The following CTBP2 variants were observed in gnomAD, a reference collection of about 807,000 sequenced individuals.
CTBP2 encodes C-terminal-binding protein 2.
In CTBP2, 30 loss-of-function variants were observed where a neutral mutation model predicts 80.3. The observed-to-expected ratio is 0.37, with a 90% CI of 0.28 to 0.51. The LOEUF is 0.51. Among genes scored for constraint, CTBP2 ranks in the 20% least tolerant of loss-of-function variants. The pLI is 0.93. For missense variants in CTBP2, 1,212 were observed against 1,375.3 expected (o/e 0.88, Z 1.88); for synonymous variants, 594 against 587.4 (o/e 1.01, Z -0.16).
chr10:125,134,400 A>G (rs981995705), intron 1 of CTBP2, among the ~76,000 whole-genome samples: 16 of 152,182 alleles, frequency 1.1e-4, no homozygotes, highest in African/African-American at 3.9e-4. Flanking sequence ...AGGAAGGTCC[A>G]TGACTCTGTA....
chr10:125,084,847 T>G (rs1847741709), intron 2 of CTBP2, among the ~76,000 whole-genome samples: 1 of 152,004 alleles, frequency 6.6e-6, no homozygotes, highest in African/African-American at 2.4e-5. Context: ...GCCCCAAGTC[T>G]GCCCCCAAAG....
At chr10:125,069,389 G>A (rs1015719910) in intron 2 of CTBP2, among the ~76,000 whole-genome samples, 1 of 152,134 alleles carries the variant, frequency 6.6e-6, no homozygotes, top group African/African-American at 2.4e-5. Context: ...AGGCCGAGGT[G>A]CGTGGATCAA....
intron 1 of CTBP2, among the ~76,000 whole-genome samples, chr10:125,007,727 T>C (rs922622216): frequency 6.6e-6 from 1 of 152,194 alleles, no homozygotes; most frequent in African/African-American, 2.4e-5. Context: ...CTGCAGTGTT[T>C]CTGAGACCCA....
chr10:125,100,789 T>C (rs1170539973), intron 2 of CTBP2: 3 of 152,188 alleles, frequency 2.0e-5, no homozygotes, highest in Admixed American at 1.3e-4. Context: ...TTAAATAGAA[T>C]GTTTTTAGTG....
intron 1 of CTBP2, among the ~76,000 whole-genome samples, chr10:125,011,202 C>G (rs1955853338): frequency 6.6e-6 from 1 of 152,248 alleles, no homozygotes; most frequent in Non-Finnish European, 1.5e-5. Context: ...TAGTTTTAAG[C>G]TACTCCTCGG....
At chr10:125,096,812 A>G (rs1849619457) in intron 2 of CTBP2, among the ~76,000 whole-genome samples, 2 of 152,102 alleles carry the variant, frequency 1.3e-5, no homozygotes, top group Admixed American at 1.3e-4. Flanking sequence ...CTGATATACA[A>G]GAGTGCCCCA....
chr10:125,098,628 G>A (rs1301535873), intron 2 of CTBP2, among the ~76,000 whole-genome samples: 2 of 145,366 alleles, frequency 1.4e-5, no homozygotes, highest in African/African-American at 2.6e-5. Flanking sequence ...GGGCTGCTGC[G>A]GGTGAACAGA....
At chr10:125,021,987 G>A (rs1045100404) in intron 1 of CTBP2, among the ~76,000 whole-genome samples, 49 of 152,236 alleles carry the variant, frequency 3.2e-4, no homozygotes, top group Admixed American at 1.3e-4. Flanking sequence ...CACAATGCTG[G>A]AATGTTTTTA....
intron 2 of CTBP2, among the ~76,000 whole-genome samples, chr10:125,089,869 C>A (rs1848512567): frequency 1.3e-5 from 2 of 152,172 alleles, no homozygotes; most frequent in South Asian, 4.1e-4. Context: ...CTCATCTTGG[C>A]CTCTGTTGGC....
Position 125,027,825 on chromosome 10 carries a change from C to T in CTBP2, c.-66G>A, listed in dbSNP as rs1957812833. On this transcript the variant is annotated 5_prime_UTR_variant, in exon 1 of 9. Transcript: ENST00000309035. ...TTCTTTATAAATCTTCAATTACATA[C>T]ATCAAAAACAGACCTGGCTGTGTGC... The T allele has an allele frequency of 1.4e-6, 2 of 1,449,100 alleles. No homozygotes were observed. Among genetic ancestry groups the T allele is most frequent in the East Asian group, 2.5e-5 (1 of 40,082 alleles). 89.8% of individuals were successfully genotyped at this position (1,449,100 alleles called of 1,614,324 possible).
intron 2 of CTBP2, among the ~76,000 whole-genome samples, chr10:125,103,221 C>T (rs942549339): frequency 4.6e-5 from 7 of 152,150 alleles, no homozygotes; most frequent in African/African-American, 1.7e-4. Context: ...TGCTGCGATG[C>T]GCTCCTACAT....
intron 1 of CTBP2, among the ~76,000 whole-genome samples, chr10:125,141,053 G>A (rs1039049463): frequency 2.7e-5 from 4 of 150,682 alleles, no homozygotes; most frequent in Admixed American, 6.6e-5. Context: ...CAGGAGAATC[G>A]CTTGAACCTG....
chr10:125,026,316 T>C lies in CTBP2; in HGVS notation c.1444A>G (p.Thr482Ala). Residue 482 changes from threonine (T) to alanine (A), a missense_variant, in exon 1 of 9, where the codon ACG (threonine) becomes GCG (alanine). Transcript: ENST00000309035. ...AGCTCCATGGGCACCGTGTATGCCG[T>C]GGAGTAGGCTGTTCTGGGGCCTGGG... is the stretch of plus-strand genomic sequence containing the variant. The C allele has an allele frequency of 6.2e-7, 1 of 1,613,680 alleles. No individual in the cohort carries two copies. The highest frequency in any genetic ancestry group is 8.5e-7 in the Non-Finnish European group (1 of 1,179,872).
At chr10:125,112,814 A>C (rs1250696432) in intron 1 of CTBP2, among the ~76,000 whole-genome samples, 1 of 152,230 alleles carries the variant, frequency 6.6e-6, no homozygotes, top group African/African-American at 2.4e-5. Flanking sequence ...TTTAATTAGC[A>C]ATGGGGCTAA....
rs554548122 is a variant in CTBP2, at chr10:125,118,292, G to C, written c.-205-7199C>G. ...CTTGAAGCCCTTGCGGCATTAGCTA[G>C]GCTTCTAGAAGTGCCCCATCCGAAG... On this transcript the variant is annotated intron_variant, in intron 1 of 10. Transcript: ENST00000337195. Among the ~76,000 whole-genome samples, 3 of 152,298 alleles carry C rather than the reference G, an allele frequency of 2.0e-5. No individual in the cohort carries two copies. In the South Asian group the frequency reaches 6.2e-4, roughly 32 times the overall value.
upstream of CTBP2, among the ~76,000 whole-genome samples, chr10:125,029,310 C>T (rs560599976): frequency 2.7e-5 from 4 of 147,942 alleles, no homozygotes; most frequent in East Asian, 2.0e-4. Context: ...GGCGCGATCT[C>T]GGCTCACTGC....
intron 1 of CTBP2, among the ~76,000 whole-genome samples, chr10:125,116,064 C>T (rs1853213609): frequency 6.6e-6 from 1 of 152,172 alleles, no homozygotes; most frequent in Non-Finnish European, 1.5e-5. Flanking sequence ...AGTGCCAGGA[C>T]TGTGCCAAGC....
At position 124,994,003 on chromosome 10, in the gene CTBP2, A is replaced by G. The variant is rs754683009; in HGVS notation, c.2401-18T>C. The G allele has an allele frequency of 1.2e-6, 2 of 1,613,602 alleles. No individual in the cohort carries two copies. Among genetic ancestry groups the G allele is most frequent in the South Asian group, 2.2e-5 (2 of 90,980 alleles). On this transcript the variant is annotated intron_variant, in intron 5 of 8. Coordinates refer to ENST00000309035, the MANE Select transcript of CTBP2 (RefSeq NM_022802.3). ...TGCCTCATCTGTGGAAGGAAAGAAA[A>G]GCCGGTTACAGGCACACTGGCATGG...
chr10:125,140,361 C>T (rs1413829005), intron 1 of CTBP2, among the ~76,000 whole-genome samples: 5 of 151,476 alleles, frequency 3.3e-5, no homozygotes, highest in Admixed American at 6.6e-5. Flanking sequence ...CGATGACTGC[C>T]GCTTAAACCT....
Sources: allele counts gnomAD v4.1 joint callset (sites outside exome capture counted in the v4.1 genomes callset), GRCh38; gene constraint gnomAD v4.1.1; transcripts MANE v1.5; gene names NCBI Gene and HGNC (gene_info 2026-07-23, HGNC 2026-07-21).